Variants in ERBB4 observed in about 807,000 individuals in gnomAD.
ERBB4 encodes the protein receptor tyrosine-protein kinase erbB-4.
In ERBB4, 42 loss-of-function variants were observed where a neutral mutation model predicts 158.0. That is an observed-to-expected ratio of 0.27 (90% CI 0.21 to 0.34). The LOEUF (loss-of-function observed/expected upper bound fraction) is 0.34. Ranked by LOEUF, ERBB4 falls within the 10% of genes least tolerant of loss-of-function variation. The pLI is 1.00. For synonymous variants in ERBB4, 583 were observed against 558.7 expected, an observed-to-expected ratio of 1.04 and a Z score of -0.61; for missense variants, 1,333 against 1,624.1, an observed-to-expected ratio of 0.82 and a Z score of 3.08.
chr2:211,947,470 T>G lies in ERBB4; in HGVS notation c.381A>C (p.Gly127=), dbSNP rs1377813967. ...LAIFLNYRKD[G]NFGLQELGLK... is the part of the protein sequence containing the mutation. ...ATCCAAGTTCTTGAAGTCCAAAGTTTCCATCTTTTCTGTAGTTTAAAAATA... is the reference window on the plus strand; with the variant it reads ...ATCCAAGTTCTTGAAGTCCAAAGTTGCCATCTTTTCTGTAGTTTAAAAATA... The change falls in exon 3 of 28, where the codon GGA becomes GGC. Residue 127 remains glycine (G), a synonymous_variant. Coordinates refer to ENST00000342788, the MANE Select transcript of ERBB4 (RefSeq NM_005235.3). The G allele has an allele frequency of 6.2e-7, 1 of 1,613,900 alleles. No individual in the cohort carries two copies. The highest frequency in any genetic ancestry group is 8.5e-7 in the Non-Finnish European group (1 of 1,179,910).
At chr2:212,280,237 A>G (rs750985031) in intron 1 of ERBB4, among the ~76,000 whole-genome samples, 3 of 151,656 alleles carry the variant, frequency 2.0e-5, no homozygotes, top group Non-Finnish European at 4.4e-5. Flanking sequence ...ATATATAGGC[A>G]ATTTTTGCTA....
intron 19 of ERBB4, among the ~76,000 whole-genome samples, chr2:211,580,562 T>C (rs1160968696): frequency 6.6e-6 from 1 of 151,606 alleles, no homozygotes; most frequent in East Asian, 2.0e-4. Context: ...GAATGTAAAC[T>C]AGTACAACCA....
At chr2:212,173,913 A>T (rs1324084931) in intron 1 of ERBB4, among the ~76,000 whole-genome samples, 1 of 152,098 alleles carries the variant, frequency 6.6e-6, no homozygotes, top group Non-Finnish European at 1.5e-5. Flanking sequence ...TACTGCTATG[A>T]TTTATCCACT....
chr2:211,915,303 T>C (rs1422086576), intron 3 of ERBB4, among the ~76,000 whole-genome samples: 1 of 152,098 alleles, frequency 6.6e-6, no homozygotes, highest in African/African-American at 2.4e-5. Context: ...ATTGCACCAC[T>C]TTCCCACAGC....
intron 3 of ERBB4, among the ~76,000 whole-genome samples, chr2:211,861,068 A>T (rs1230353358): frequency 9.7e-5 from 3 of 31,046 alleles, no homozygotes; most frequent in African/African-American, 1.4e-4. Context: ...TATAAATATA[A>T]TATATTTATA....
At chr2:211,822,551 AG>A (rs1345202496) in intron 3 of ERBB4, among the ~76,000 whole-genome samples, 1 of 152,044 alleles carries the variant, frequency 6.6e-6, no homozygotes, top group East Asian at 1.9e-4. Flanking sequence ...ATCCATCTTC[AG>A]GGAAGCTATC....
intron 1 of ERBB4, among the ~76,000 whole-genome samples, chr2:212,517,041 C>T (rs1691887935): frequency 6.6e-6 from 1 of 152,056 alleles, no homozygotes; most frequent in South Asian, 2.1e-4. Flanking sequence ...TATATTCTCT[C>T]CACAACATCT....
intron 2 of ERBB4, among the ~76,000 whole-genome samples, chr2:212,046,925 C>T (rs1240359924): frequency 1.3e-5 from 2 of 152,102 alleles, no homozygotes; most frequent in Non-Finnish European, 2.9e-5. Flanking sequence ...GTTCATCTAC[C>T]TTGGATATAC....
chr2:211,424,216 T>C lies in ERBB4; in HGVS notation c.2805A>G (p.Lys935=). Residue 935 remains lysine, a synonymous_variant, in exon 23 of 28, where the codon AAA becomes AAG. Coordinates refer to ENST00000342788, the MANE Select transcript of ERBB4 (RefSeq NM_005235.3). ...PTREIPDLLE[K]GERLPQPPIC... ...TGGGAGGCTGAGGCAAACGTTCTCC[T>C]TTCTCTAATAAATCAGGGATTTCTC... is the stretch of plus-strand genomic sequence containing the variant. 1 of 1,613,432 alleles carries C rather than the reference T, an allele frequency of 6.2e-7. No homozygotes were observed. The highest frequency in any genetic ancestry group is 2.2e-5 in the East Asian group (1 of 44,842).
chr2:212,092,407 T>C (rs904874895), intron 2 of ERBB4, among the ~76,000 whole-genome samples: 1 of 152,154 alleles, frequency 6.6e-6, no homozygotes, highest in African/African-American at 2.4e-5. Context: ...TATACCAGTG[T>C]TTTTATTTTT....
chr2:211,674,065 C>A (rs1367828590), intron 13 of ERBB4, among the ~76,000 whole-genome samples: 4 of 151,906 alleles, frequency 2.6e-5, no homozygotes, highest in African/African-American at 9.7e-5. Flanking sequence ...ATGTCTATGG[C>A]AAAATTATTA....
chr2:211,957,245 GC>G (rs2081059651), intron 2 of ERBB4, among the ~76,000 whole-genome samples: 1 of 152,014 alleles, frequency 6.6e-6, no homozygotes, highest in Non-Finnish European at 1.5e-5. Flanking sequence ...ATTAAGTCGG[GC>G]CCTAATCCAA....
At chr2:211,697,754 G>A (rs571206063) in intron 12 of ERBB4, among the ~76,000 whole-genome samples, 18 of 152,190 alleles carry the variant, frequency 1.2e-4, no homozygotes, top group East Asian at 5.8e-4. Context: ...GGTGGAAAAC[G>A]TTACTATCCC....
chr2:211,977,530 T>TAAAAAAAAAAAAAAAAA (rs1394107563), intron 2 of ERBB4, among the ~76,000 whole-genome samples: 1 of 6,688 alleles, frequency 1.5e-4, no homozygotes, highest in Non-Finnish European at 2.9e-4. Context: ...GATATTGACT[T>TAAAAAAAAAAAAAAAAA]TAAAAAAAAA....
At chr2:211,815,092 C>G (rs942668185) in intron 3 of ERBB4, among the ~76,000 whole-genome samples, 1 of 152,088 alleles carries the variant, frequency 6.6e-6, no homozygotes, top group African/African-American at 2.4e-5. Context: ...AGTGTAAGGA[C>G]TTATAAAATT....
chr2:211,579,200 A>G (rs1025823276), intron 19 of ERBB4, among the ~76,000 whole-genome samples: 2 of 152,116 alleles, frequency 1.3e-5, no homozygotes, highest in African/African-American at 4.8e-5. Context: ...ATACAAAAAA[A>G]GTTTAACGAC....
intron 1 of ERBB4, among the ~76,000 whole-genome samples, chr2:212,436,627 T>C (rs1452846685): frequency 6.6e-6 from 1 of 152,056 alleles, no homozygotes; most frequent in Non-Finnish European, 1.5e-5. Context: ...TAGAATATTA[T>C]TTGCCATTTT....
At chr2:211,463,265 C>A (rs1836749) in intron 20 of ERBB4, among the ~76,000 whole-genome samples, 1 of 151,964 alleles carries the variant, frequency 6.6e-6, no homozygotes, top group Non-Finnish European at 1.5e-5. Flanking sequence ...TCAAGGATTC[C>A]TGGCTCAAAT....
chr2:211,959,468 C>T (rs965728950), intron 2 of ERBB4, among the ~76,000 whole-genome samples: 7 of 152,044 alleles, frequency 4.6e-5, no homozygotes, highest in African/African-American at 1.7e-4. Context: ...TCTGGTCATA[C>T]ATTGGCACCT....
Sources: allele counts gnomAD v4.1 joint callset (sites outside exome capture counted in the v4.1 genomes callset), GRCh38; gene constraint gnomAD v4.1.1; transcripts MANE v1.5; gene names NCBI Gene and HGNC (gene_info 2026-07-23, HGNC 2026-07-21).